The following ZNF609 variants were observed in gnomAD, a reference collection of about 807,000 sequenced individuals.
ZNF609 encodes zinc finger protein 609.
A neutral mutation model predicts 109.5 loss-of-function variants in ZNF609; 11 were observed. The ratio of observed to expected loss-of-function variants is 0.10; its 90% CI spans 0.06 to 0.17. The LOEUF is 0.17. Ranked by LOEUF, ZNF609 falls within the 10% of genes least tolerant of loss-of-function variation. ZNF609 has a pLI of 1.00. For missense variants in ZNF609, 1,559 were observed against 1,772.4 expected, an observed-to-expected ratio of 0.88 and a Z score of 2.16; for synonymous variants, 646 against 662.0, an observed-to-expected ratio of 0.98 and a Z score of 0.37.
chr15:64,678,290 C>T lies in ZNF609; in HGVS notation c.3577C>T (p.Leu1193=). The T allele has an allele frequency of 6.2e-7, 1 of 1,614,178 alleles. No homozygotes were observed. The highest frequency in any genetic ancestry group is 2.2e-5 in the East Asian group (1 of 44,886). Residue 1193 remains leucine, a synonymous_variant, in exon 6 of 10, where the codon CTG becomes TTG. Transcript: ENST00000326648. ...GGAAAGCACAAGTAGTGACTGCAAG[C>T]TGCCCACGTCAGAGGAGTCTCGCCT... ...GKESTSSDCK[L]PTSEESRLGS... is the part of the protein sequence containing the mutation.
chr15:64,481,938 C>T lies in ZNF609; in HGVS notation c.-127-17355C>T, dbSNP rs557167003. The stretch of plus-strand genomic sequence containing the variant: ...TAGCTGGGATTATAGTCACACGCCA[C>T]CACACCTGGCTAATTTTTATATTTT... On this transcript the variant is annotated intron_variant, in intron 1 of 9. Coordinates refer to ENST00000326648, the MANE Select transcript of ZNF609 (RefSeq NM_015042.2). Among the ~76,000 whole-genome samples the T allele has an allele frequency of 2.0e-5, 3 of 152,136 alleles. No individual in the cohort carries two copies. The East Asian group carries it at 5.8e-4, about 30-fold the overall frequency.
At chr15:64,626,322 C>T (rs1316560193) in intron 3 of ZNF609, among the ~76,000 whole-genome samples, 1 of 152,176 alleles carries the variant, frequency 6.6e-6, no homozygotes, top group Non-Finnish European at 1.5e-5. Context: ...TCCTTTTCAT[C>T]TTCAGGTAAC....
chr15:64,662,087 G>A (rs1254696264), intron 3 of ZNF609, among the ~76,000 whole-genome samples: 1 of 150,158 alleles, frequency 6.7e-6, no homozygotes, highest in Non-Finnish European at 1.5e-5. Context: ...TGGGGCTGGA[G>A]GATCCTCTTC....
Position 64,602,889 on chromosome 15 carries a change from A to ATTTTTTTTTT in ZNF609, c.748-19918_748-19909dup, listed in dbSNP as rs10600562. Among the ~76,000 whole-genome samples the ATTTTTTTTTT allele has an allele frequency of 1.5e-3, 110 of 75,174 alleles. 1 individual carries two copies. Among genetic ancestry groups the ATTTTTTTTTT allele is most frequent in the Middle Eastern group, 0.014 (1 of 72 alleles). 49.3% of individuals were successfully genotyped at this position (75,174 alleles called of 152,430 possible). A position where few individuals can be genotyped will look rare whatever the true frequency, so the allele number is the denominator to read the frequency against. On this transcript the variant is annotated intron_variant, in intron 2 of 9. Transcript: ENST00000326648. Reference sequence around the variant, plus strand: ...AGGTGCCTGCCACCACTCTGGGCTAATTTTTTTTTTTTTTTTTTTTTTTTT... The same window carrying ATTTTTTTTTT: ...AGGTGCCTGCCACCACTCTGGGCTAATTTTTTTTTTTTTTTTTTTTTTTTTTTTTTTTTTT...
chr15:64,635,648 A>G (rs921196700), intron 3 of ZNF609, among the ~76,000 whole-genome samples: 5 of 152,210 alleles, frequency 3.3e-5, no homozygotes, highest in African/African-American at 4.8e-5. Context: ...TTACACTGCT[A>G]AAAACAGGTC....
chr15:64,650,267 A>G (rs1896395956), intron 3 of ZNF609, among the ~76,000 whole-genome samples: 1 of 150,802 alleles, frequency 6.6e-6, no homozygotes. Context: ...AAAAAAAAAA[A>G]TAAGCCAGGC....
intron 3 of ZNF609, among the ~76,000 whole-genome samples, chr15:64,661,049 C>T (rs1896567585): frequency 6.6e-6 from 1 of 152,152 alleles, no homozygotes; most frequent in South Asian, 2.1e-4. Context: ...GCAACATCCA[C>T]CTCCTGGGCT....
intron 1 of ZNF609, among the ~76,000 whole-genome samples, chr15:64,462,821 A>G (rs1422502337): frequency 1.3e-5 from 2 of 152,242 alleles, no homozygotes; most frequent in East Asian, 3.8e-4. Context: ...AAATTTGCCA[A>G]AGAAATAAAC....
chr15:64,537,960 G>A (rs932958248), intron 2 of ZNF609, among the ~76,000 whole-genome samples: 20 of 152,006 alleles, frequency 1.3e-4, no homozygotes, highest in African/African-American at 4.3e-4. Context: ...AAAAAAATTA[G>A]CCAGGCATGG....
At chr15:64,517,999 G>A (rs914232857) in intron 2 of ZNF609, among the ~76,000 whole-genome samples, 1 of 151,808 alleles carries the variant, frequency 6.6e-6, no homozygotes, top group African/African-American at 2.4e-5. Flanking sequence ...GGCTCACCAC[G>A]TTGAACCCCT....
chr15:64,524,506 A>G (rs927085668), intron 2 of ZNF609, among the ~76,000 whole-genome samples: 3 of 150,690 alleles, frequency 2.0e-5, no homozygotes, highest in African/African-American at 4.9e-5. Flanking sequence ...GGAGGTTGCA[A>G]TGAGGCAAGA....
chr15:64,644,779 C>T (rs961887737), intron 3 of ZNF609, among the ~76,000 whole-genome samples: 1 of 152,104 alleles, frequency 6.6e-6, no homozygotes, highest in Non-Finnish European at 1.5e-5. Flanking sequence ...CAATGGGTAG[C>T]TTTGTTTTTA....
rs147538372 is a variant in ZNF609 at position 64,649,310 on chromosome 15, C to T, written c.974-21036C>T. Among the ~76,000 whole-genome samples, 60 of 152,116 alleles carry T rather than the reference C, an allele frequency of 3.9e-4. 1 individual carries two copies. The East Asian group carries it at 0.011, about 27-fold the overall frequency. ...GGATGTTGTCAGTTAGGCTTACTAA[C>T]GCTCCTTTTCCACCCCCCAACACAC... On this transcript the variant is annotated intron_variant, in intron 3 of 9. Coordinates refer to ENST00000326648, the MANE Select transcript of ZNF609 (RefSeq NM_015042.2).
intron 2 of ZNF609, among the ~76,000 whole-genome samples, chr15:64,547,895 G>A (rs1394091902): frequency 2.0e-5 from 3 of 152,166 alleles, no homozygotes; most frequent in African/African-American, 7.2e-5. Flanking sequence ...GGACGGGGGT[G>A]TAGAGAAATA....
Position 64,585,218 on chromosome 15 carries a change from G to A in ZNF609, c.748-37609G>A, listed in dbSNP as rs569245982. On this transcript the variant is annotated intron_variant, in intron 2 of 9. Coordinates refer to ENST00000326648, the MANE Select transcript of ZNF609 (RefSeq NM_015042.2). ...TGCACGCCTGTAATTCCAGCTACTC[G>A]GGAGGCTGAGGCACAAGAATCACTT... Among the ~76,000 whole-genome samples the A allele has an allele frequency of 1.2e-4, 18 of 152,094 alleles. No individual in the cohort carries two copies. In the South Asian group the frequency reaches 3.3e-3, roughly 28 times the overall value.
At chr15:64,561,707 A>G (rs1169207586) in intron 2 of ZNF609, among the ~76,000 whole-genome samples, 1 of 151,810 alleles carries the variant, frequency 6.6e-6, no homozygotes, top group Admixed American at 6.6e-5. Context: ...GTCTCATAAT[A>G]ATTTTCATTC....
chr15:64,641,918 C>A (rs72742972), intron 3 of ZNF609, among the ~76,000 whole-genome samples: 1 of 152,096 alleles, frequency 6.6e-6, no homozygotes, highest in South Asian at 2.1e-4. Flanking sequence ...GGAACAGTAA[C>A]CACATTTCTG....
At chr15:64,558,376 A>T (rs369000052) in intron 2 of ZNF609, among the ~76,000 whole-genome samples, 43 of 152,284 alleles carry the variant, frequency 2.8e-4, no homozygotes, top group African/African-American at 1.0e-3. Context: ...TCATCTATAC[A>T]ATGTGAATAA....
intron 1 of ZNF609, among the ~76,000 whole-genome samples, chr15:64,493,581 G>A (rs1415215372): frequency 6.6e-6 from 1 of 152,108 alleles, no homozygotes; most frequent in Admixed American, 6.5e-5. Context: ...TCAGGTGTAG[G>A]AACAAAACAC....
Sources: allele counts gnomAD v4.1 joint callset (sites outside exome capture counted in the v4.1 genomes callset), GRCh38; gene constraint gnomAD v4.1.1; transcripts MANE v1.5; gene names NCBI Gene and HGNC (gene_info 2026-07-23, HGNC 2026-07-21).